The following TAFA1 variants were observed in gnomAD, a reference collection of about 807,000 sequenced individuals.
The protein encoded by TAFA1 is chemokine-like protein TAFA-1.
A neutral mutation model predicts 18.5 loss-of-function variants in TAFA1; 4 were observed. That is an observed-to-expected ratio of 0.22 (90% CI 0.11 to 0.49). The LOEUF is 0.49. Ranked by LOEUF, TAFA1 falls within the 20% of genes least tolerant of loss-of-function variation. The probability of loss-of-function intolerance (pLI) is 0.98; values close to 1 mark genes in which losing one functional copy is unlikely to be tolerated. For missense variants in TAFA1, 147 were observed against 169.0 expected (o/e 0.87, Z 0.72); for synonymous variants, 56 against 55.2 (o/e 1.01, Z -0.06).
At chr3:68,270,203 C>T (rs146176760) in intron 2 of TAFA1, among the ~76,000 whole-genome samples, 1 of 152,132 alleles carries the variant, frequency 6.6e-6, no homozygotes, top group Non-Finnish European at 1.5e-5. Flanking sequence ...GGAGCTCCAG[C>T]TTCATCACTT....
At chr3:68,339,783 A>C (rs2069048324) in intron 2 of TAFA1, among the ~76,000 whole-genome samples, 1 of 152,168 alleles carries the variant, frequency 6.6e-6, no homozygotes, top group Non-Finnish European at 1.5e-5. Context: ...GCCAGCCTCT[A>C]ATCAGTGGTA....
chr3:68,371,402 G>A (rs556027593), intron 2 of TAFA1, among the ~76,000 whole-genome samples: 1 of 151,934 alleles, frequency 6.6e-6, no homozygotes, highest in Admixed American at 6.6e-5. Flanking sequence ...ACGGGCCCCA[G>A]TGTGTGATGT....
intron 3 of TAFA1, among the ~76,000 whole-genome samples, chr3:68,517,658 C>G (rs1403299565): frequency 6.6e-6 from 1 of 152,162 alleles, no homozygotes; most frequent in South Asian, 2.1e-4. Flanking sequence ...AATTCATTTT[C>G]AGTTCCATCT....
chr3:68,412,427 G>A (rs1438372620), intron 2 of TAFA1, among the ~76,000 whole-genome samples: 1 of 151,832 alleles, frequency 6.6e-6, no homozygotes, highest in Non-Finnish European at 1.5e-5. Flanking sequence ...TGCACAACGT[G>A]CAGGTTTGTT....
intron 3 of TAFA1, among the ~76,000 whole-genome samples, chr3:68,473,859 C>T (rs1338672821): frequency 3.9e-5 from 6 of 152,104 alleles, no homozygotes; most frequent in Non-Finnish European, 8.8e-5. Flanking sequence ...ATATAATCTC[C>T]AAGAGGGGTG....
At chr3:68,470,678 G>T (rs1406749908) in intron 3 of TAFA1, among the ~76,000 whole-genome samples, 2 of 152,188 alleles carry the variant, frequency 1.3e-5, no homozygotes, top group Non-Finnish European at 2.9e-5. Context: ...TCTGGCAAAA[G>T]AAATTTCTAA....
At chr3:68,186,429 C>A (rs1021191101) in intron 2 of TAFA1, among the ~76,000 whole-genome samples, 1 of 152,050 alleles carries the variant, frequency 6.6e-6, no homozygotes, top group Non-Finnish European at 1.5e-5. Context: ...AAGCATAACA[C>A]AACCCCTCTC....
chr3:68,153,872 T>G (rs1347686674), intron 2 of TAFA1, among the ~76,000 whole-genome samples: 1 of 152,170 alleles, frequency 6.6e-6, no homozygotes, highest in Non-Finnish European at 1.5e-5. Flanking sequence ...GTTTTTATAA[T>G]AAGAAAGCTA....
At chr3:68,326,758 C>A (rs1321408125) in intron 2 of TAFA1, among the ~76,000 whole-genome samples, 1 of 152,198 alleles carries the variant, frequency 6.6e-6, no homozygotes, top group African/African-American at 2.4e-5. Context: ...AATATTATCT[C>A]ATTTCAGCCT....
At chr3:68,102,523 A>AT (rs1286883641) in intron 2 of TAFA1, among the ~76,000 whole-genome samples, 1 of 152,084 alleles carries the variant, frequency 6.6e-6, no homozygotes, top group Non-Finnish European at 1.5e-5. Flanking sequence ...TGGCTCTCAT[A>AT]TTTTTTCCCA....
intron 3 of TAFA1, among the ~76,000 whole-genome samples, chr3:68,495,542 T>G (rs2072530249): frequency 6.6e-6 from 1 of 152,164 alleles, no homozygotes; most frequent in Non-Finnish European, 1.5e-5. Flanking sequence ...GCCTTACATT[T>G]AAAAGTCGGC....
chr3:68,050,803 GC>G (rs2064461983), intron 2 of TAFA1, among the ~76,000 whole-genome samples: 1 of 152,138 alleles, frequency 6.6e-6, no homozygotes, highest in South Asian at 2.1e-4. Flanking sequence ...GCTCAACTTA[GC>G]TTTTTAGTGT....
rs147089764 is a variant in TAFA1 at position 68,039,701 on chromosome 3, A to G, written c.118+32957A>G. ...GATTTGAGTCAGGTAGTTTACTTGG[A>G]GGTCATTGATGATCTCCAGAGATAC... is the stretch of plus-strand genomic sequence containing the variant. On this transcript the variant is annotated intron_variant, in intron 2 of 4. Transcript: ENST00000478136. 1.2e-4 allele frequency among the ~76,000 whole-genome samples: 18 copies of G among 152,260 alleles called. No individual in the cohort carries two copies. In the East Asian group the frequency reaches 3.5e-3, roughly 29 times the overall value.
chr3:68,082,726 A>G (rs1360337754), intron 2 of TAFA1, among the ~76,000 whole-genome samples: 2 of 152,148 alleles, frequency 1.3e-5, no homozygotes, highest in Non-Finnish European at 2.9e-5. Flanking sequence ...CTGTCACACT[A>G]TATAGTGAGG....
chr3:68,061,489 A>C (rs1383628148), intron 2 of TAFA1, among the ~76,000 whole-genome samples: 1 of 152,174 alleles, frequency 6.6e-6, no homozygotes, highest in Non-Finnish European at 1.5e-5. Flanking sequence ...GTGCAGGGAT[A>C]CAAGGTCTGA....
chr3:68,077,975 T>C (rs1410670913), intron 2 of TAFA1, among the ~76,000 whole-genome samples: 1 of 152,178 alleles, frequency 6.6e-6, no homozygotes, highest in African/African-American at 2.4e-5. Flanking sequence ...TTGTATCCTC[T>C]TTTATTTCAT....
chr3:68,201,851 GTTT>G (rs917570552), intron 2 of TAFA1, among the ~76,000 whole-genome samples: 4 of 151,702 alleles, frequency 2.6e-5, no homozygotes, highest in Non-Finnish European at 1.5e-5. Flanking sequence ...CTGTGTAAAA[GTTT>G]TTTGTGCTGT....
chr3:68,181,801 C>CA (rs980216918), intron 2 of TAFA1, among the ~76,000 whole-genome samples: 1 of 152,144 alleles, frequency 6.6e-6, no homozygotes, highest in Non-Finnish European at 1.5e-5. Flanking sequence ...GAGGTTGCAA[C>CA]ACTTTCATCT....
At chr3:68,141,376 C>T (rs2065665217) in intron 2 of TAFA1, among the ~76,000 whole-genome samples, 1 of 152,164 alleles carries the variant, frequency 6.6e-6, no homozygotes, top group Non-Finnish European at 1.5e-5. Flanking sequence ...CCATAATCAT[C>T]CTCATTATAT....
Sources: allele counts gnomAD v4.1 joint callset (sites outside exome capture counted in the v4.1 genomes callset), GRCh38; gene constraint gnomAD v4.1.1; transcripts MANE v1.5; gene names NCBI Gene and HGNC (gene_info 2026-07-23, HGNC 2026-07-21).